Variants in EYS observed in about 807,000 individuals in gnomAD.
The protein encoded by EYS is EGF-like photoreceptor maintenance factor.
Under a neutral mutation model 282.1 loss-of-function variants are expected in EYS, and 250 were observed. The ratio of observed to expected loss-of-function variants is 0.89; its 90% CI spans 0.80 to 0.98. The LOEUF (loss-of-function observed/expected upper bound fraction) is 0.98. Among genes scored for constraint, EYS ranks in the 50% least tolerant of loss-of-function variants. The pLI is 0.00. For missense variants in EYS, 4,016 were observed against 3,709.0 expected, an observed-to-expected ratio of 1.08 and a Z score of -2.15; for synonymous variants, 1,355 against 1,282.9, an observed-to-expected ratio of 1.06 and a Z score of -1.20.
chr6:65,218,624 A>G (rs1241806531), intron 12 of EYS, among the ~76,000 whole-genome samples: 1 of 152,164 alleles, frequency 6.6e-6, no homozygotes, highest in East Asian at 1.9e-4. Flanking sequence ...TGAAAAACAC[A>G]TGAATCAGAC....
At chr6:64,549,211 T>G (rs1193217208) in intron 26 of EYS, among the ~76,000 whole-genome samples, 1 of 152,146 alleles carries the variant, frequency 6.6e-6, no homozygotes, top group Admixed American at 6.5e-5. Context: ...ACTCATCCAC[T>G]CAGTACGTAA....
intron 32 of EYS, among the ~76,000 whole-genome samples, chr6:64,075,057 TAA>T (rs1380376709): frequency 6.6e-6 from 1 of 151,956 alleles, no homozygotes; most frequent in Non-Finnish European, 1.5e-5. Context: ...TGACATATGA[TAA>T]AGACTGTTTG....
chr6:64,716,469 C>A (rs1211646839), intron 22 of EYS, among the ~76,000 whole-genome samples: 3 of 152,168 alleles, frequency 2.0e-5, no homozygotes, highest in African/African-American at 7.2e-5. Context: ...GGATTGCATA[C>A]CATGGTGATT....
chr6:65,525,796 G>A (rs1767535861), intron 2 of EYS, among the ~76,000 whole-genome samples: 1 of 152,202 alleles, frequency 6.6e-6, no homozygotes, highest in East Asian at 1.9e-4. Flanking sequence ...TAACAGAGTA[G>A]CTCAGAAGTC....
intron 2 of EYS, among the ~76,000 whole-genome samples, chr6:65,520,198 A>C (rs1005500051): frequency 7.2e-5 from 11 of 152,154 alleles, no homozygotes; most frequent in African/African-American, 2.4e-4. Flanking sequence ...TTGAAAACTC[A>C]GAAAGCATAT....
chr6:64,613,592 T>C (rs987260740), intron 24 of EYS, among the ~76,000 whole-genome samples: 13 of 152,096 alleles, frequency 8.5e-5, no homozygotes, highest in African/African-American at 3.1e-4. Context: ...CAAAGAATTA[T>C]AGCTTACCAG....
intron 36 of EYS, among the ~76,000 whole-genome samples, chr6:63,818,315 T>C (rs546024106): frequency 7.9e-5 from 12 of 152,220 alleles, no homozygotes; most frequent in Non-Finnish European, 1.2e-4. Context: ...TTGCAGGTGC[T>C]GATAATACAA....
At chr6:65,084,617 A>G (rs1774314660) in intron 12 of EYS, among the ~76,000 whole-genome samples, 1 of 152,086 alleles carries the variant, frequency 6.6e-6, no homozygotes, top group Non-Finnish European at 1.5e-5. Flanking sequence ...GAGACAAGGA[A>G]CCAAATCAAA....
In EYS at chr6:65,012,962, A is replaced by C. The variant is rs190132163; in HGVS notation, c.2138-15259T>G. Reference sequence around the variant, plus strand: ...CAAATAGAAACAAGATCTTTTTCTGAAACTATTATGAGATTGAAATGTATT... The same window carrying C: ...CAAATAGAAACAAGATCTTTTTCTGCAACTATTATGAGATTGAAATGTATT... On this transcript the variant is annotated intron_variant, in intron 13 of 42. Transcript: ENST00000503581. 2.1e-3 allele frequency among the ~76,000 whole-genome samples: 326 copies of C among 152,232 alleles called. 1 individual carries two copies. The highest frequency in any genetic ancestry group is 7.6e-3 in the African/African-American group (314 of 41,562).
At chr6:65,667,438 A>G (rs2149830155) in intron 1 of EYS, among the ~76,000 whole-genome samples, 1 of 151,982 alleles carries the variant, frequency 6.6e-6, no homozygotes, top group Non-Finnish European at 1.5e-5. Context: ...CAGCAAAGAC[A>G]CTTTGTAATT....
At chr6:65,459,117 C>T in intron 5 of EYS, among the ~76,000 whole-genome samples, 1 of 152,018 alleles carries the variant, frequency 6.6e-6, no homozygotes, top group East Asian at 1.9e-4. Flanking sequence ...TACACACAGT[C>T]ATTAAAATCT....
At chr6:64,649,830 T>C in intron 22 of EYS, among the ~76,000 whole-genome samples, 1 of 152,304 alleles carries the variant, frequency 6.6e-6, no homozygotes, top group East Asian at 1.9e-4. Flanking sequence ...TTAATGTTTA[T>C]AATACATTAT....
chr6:65,372,037 T>C (rs1253022802), intron 8 of EYS, among the ~76,000 whole-genome samples: 2 of 148,142 alleles, frequency 1.4e-5, no homozygotes, highest in African/African-American at 4.9e-5. Context: ...AGGATAGAAA[T>C]AGAAGACAGA....
At chr6:63,796,044 A>G (rs1770637062) in intron 37 of EYS, among the ~76,000 whole-genome samples, 1 of 152,232 alleles carries the variant, frequency 6.6e-6, no homozygotes, top group Admixed American at 6.5e-5. Context: ...CCATGGATTC[A>G]TTAATGAAAC....
chr6:64,133,979 C>T (rs1363334311), intron 31 of EYS, among the ~76,000 whole-genome samples: 1 of 151,894 alleles, frequency 6.6e-6, no homozygotes, highest in Non-Finnish European at 1.5e-5. Flanking sequence ...AAAGCTTGAG[C>T]CATGCAAAGA....
Position 64,591,947 on chromosome 6 carries a change from G to A in EYS, c.3920C>T (p.Thr1307Ile). 1 of 1,524,812 alleles carries A rather than the reference G, an allele frequency of 6.6e-7. No homozygotes were observed. The highest frequency in any genetic ancestry group is 8.8e-7 in the Non-Finnish European group (1 of 1,131,684). The allele number at this position is 1,524,812 out of a possible 1,614,324, so 94.5% of individuals were successfully genotyped here. Residue 1307 changes from threonine to isoleucine, a missense_variant, in exon 26 of 43, where the codon ACC becomes ATC. Coordinates refer to ENST00000503581, the MANE Select transcript of EYS (RefSeq NM_001142800.2). ...AATTCTTAATGTTGCCAAACCAGTG[G>A]TTGGGAGAATGTCGTGCTTGACAAT... ...TGIVKHDILP[T>I]TGLATLRIST... is the part of the protein sequence containing the mutation.
intron 2 of EYS, among the ~76,000 whole-genome samples, chr6:65,626,896 G>A (rs1179141089): frequency 8.0e-6 from 1 of 124,274 alleles, no homozygotes; most frequent in African/African-American, 2.5e-5. Flanking sequence ...GGCATATTAT[G>A]TAAAAAAAAC....
At chr6:64,303,514 CACAA>C (rs1769309926) in intron 30 of EYS, among the ~76,000 whole-genome samples, 1 of 152,130 alleles carries the variant, frequency 6.6e-6, no homozygotes, top group Non-Finnish European at 1.5e-5. Flanking sequence ...GTAAAATAAA[CACAA>C]ACCTTATTAG....
intron 12 of EYS, among the ~76,000 whole-genome samples, chr6:65,265,442 A>G (rs1299291710): frequency 6.6e-6 from 1 of 151,976 alleles, no homozygotes; most frequent in African/African-American, 2.4e-5. Context: ...ACAACTCTGA[A>G]CGTGATTCCT....
Sources: gnomAD v4.1 joint callset for allele counts (sites outside exome capture counted in the v4.1 genomes callset) on GRCh38, gnomAD v4.1.1 for gene constraint, MANE v1.5 for transcripts, NCBI Gene and HGNC (gene_info 2026-07-23, HGNC 2026-07-21) for gene names.